Variants in PTPRK observed in about 807,000 individuals in gnomAD.
PTPRK encodes the protein receptor-type tyrosine-protein phosphatase kappa.
Under a neutral mutation model 178.0 loss-of-function variants are expected in PTPRK, and 75 were observed. That is an observed-to-expected ratio of 0.42 (90% CI 0.35 to 0.51). PTPRK has a LOEUF of 0.51. PTPRK is among the 20% of genes least tolerant of loss of function. PTPRK has a pLI of 0.02. For synonymous variants in PTPRK, 637 were observed against 620.6 expected (o/e 1.03, Z -0.39); for missense variants, 1,441 against 1,797.8 (o/e 0.80, Z 3.59).
At position 128,083,819 on chromosome 6, in the gene PTPRK, C is replaced by T; in HGVS notation, c.1471G>A (p.Gly491Ser). 1 of 1,563,002 alleles carries T rather than the reference C, an allele frequency of 6.4e-7. No homozygotes were observed. The highest frequency in any genetic ancestry group is 8.7e-7 in the Non-Finnish European group (1 of 1,151,744). The change falls in exon 9 of 30, where the codon GGT becomes AGT. Residue 491 changes from glycine (G) to serine (S), a missense_variant. Coordinates refer to ENST00000368226, the MANE Select transcript of PTPRK (RefSeq NM_002844.4). ...TIIQTDEDVPGPVPVKSLQGT... is the reference protein window; with the variant it reads ...TIIQTDEDVPSPVPVKSLQGT... ...TGAAGAGATTTTACTGGTACGGGAC[C>T]AGGCACTACAAAACACATGAATTTT...
At chr6:128,512,437 C>G (rs904911154) in intron 1 of PTPRK, among the ~76,000 whole-genome samples, 2 of 152,040 alleles carry the variant, frequency 1.3e-5, no homozygotes, top group African/African-American at 4.8e-5. Context: ...GCCATAACCA[C>G]GTCATTATGC....
intron 7 of PTPRK, among the ~76,000 whole-genome samples, chr6:128,157,953 T>G (rs939823288): frequency 2.0e-5 from 3 of 152,054 alleles, no homozygotes; most frequent in African/African-American, 7.2e-5. Flanking sequence ...AGATCCCATT[T>G]GTCAATTTTG....
chr6:128,137,851 T>C (rs116952534), intron 7 of PTPRK, among the ~76,000 whole-genome samples: 3,869 of 152,200 alleles, frequency 0.025, 76 homozygotes, highest in Middle Eastern at 0.095. Context: ...AGGAAGAGCT[T>C]ATATAGCTCT....
intron 2 of PTPRK, among the ~76,000 whole-genome samples, chr6:128,379,698 A>G (rs898638342): frequency 7.9e-4 from 121 of 152,326 alleles, no homozygotes; most frequent in African/African-American, 2.8e-3. Flanking sequence ...TTCCAAAAAC[A>G]GCAAATCCTT....
chr6:128,101,888 T>A (rs1788850347), intron 7 of PTPRK, among the ~76,000 whole-genome samples: 1 of 152,206 alleles, frequency 6.6e-6, no homozygotes, highest in Non-Finnish European at 1.5e-5. Flanking sequence ...AACACTTCAA[T>A]GTAGAGTTGG....
intron 2 of PTPRK, among the ~76,000 whole-genome samples, chr6:128,376,015 C>T (rs557106182): frequency 1.1e-4 from 17 of 152,298 alleles, no homozygotes; most frequent in African/African-American, 3.8e-4. Context: ...CTCCTGTCTG[C>T]TTTCATGGGT....
At chr6:128,320,771 C>T (rs1562278056) in intron 3 of PTPRK, among the ~76,000 whole-genome samples, 1 of 152,094 alleles carries the variant, frequency 6.6e-6, no homozygotes, top group Non-Finnish European at 1.5e-5. Flanking sequence ...GCAACAAGTG[C>T]TCTAGCATTA....
At chr6:128,487,570 G>A (rs754442630) in intron 1 of PTPRK, among the ~76,000 whole-genome samples, 2 of 151,862 alleles carry the variant, frequency 1.3e-5, no homozygotes, top group South Asian at 2.1e-4. Context: ...ATTCCAGGGC[G>A]GGTCCAGCAG....
intron 7 of PTPRK, among the ~76,000 whole-genome samples, chr6:128,126,748 C>A (rs1253632399): frequency 6.6e-6 from 1 of 152,196 alleles, no homozygotes; most frequent in Non-Finnish European, 1.5e-5. Flanking sequence ...CTTGGCCTCC[C>A]AAAGTGCTGA....
intron 7 of PTPRK, among the ~76,000 whole-genome samples, chr6:128,135,855 T>C (rs779694998): frequency 6.7e-6 from 1 of 150,008 alleles, no homozygotes; most frequent in South Asian, 2.1e-4. Flanking sequence ...ATAAAAATAA[T>C]AAAAAAAAAC....
At chr6:128,260,500 C>T (rs568238768) in intron 3 of PTPRK, among the ~76,000 whole-genome samples, 3 of 152,170 alleles carry the variant, frequency 2.0e-5, no homozygotes, top group South Asian at 4.2e-4. Context: ...AAGAGGTATT[C>T]GGGTAAGAAA....
intron 21 of PTPRK, among the ~76,000 whole-genome samples, chr6:127,990,393 CAAT>C (rs1411759696): frequency 6.6e-6 from 1 of 152,084 alleles, no homozygotes; most frequent in Admixed American, 6.6e-5. Context: ...ACTTTCTCAA[CAAT>C]GAGTTTTTCT....
intron 1 of PTPRK, among the ~76,000 whole-genome samples, chr6:128,448,542 C>G (rs1847326616): frequency 6.6e-6 from 1 of 152,174 alleles, no homozygotes. Context: ...CAGCACAAAG[C>G]ATGCCACATT....
intron 28 of PTPRK, 81 bp from the exon 29 acceptor site, chr6:127,973,238 A>G: frequency 6.4e-7 from 1 of 1,572,942 alleles, no homozygotes; most frequent in Admixed American, 1.8e-5. Flanking sequence ...GTTTGGGAAA[A>G]TAAGACATTG....
intron 1 of PTPRK, among the ~76,000 whole-genome samples, chr6:128,479,475 T>G (rs1851779863): frequency 6.6e-6 from 1 of 152,092 alleles, no homozygotes; most frequent in Admixed American, 6.6e-5. Context: ...AATTCACACA[T>G]AGTGTTTACA....
At chr6:128,476,999 G>T (rs975215243) in intron 1 of PTPRK, among the ~76,000 whole-genome samples, 4 of 151,912 alleles carry the variant, frequency 2.6e-5, no homozygotes, top group Non-Finnish European at 5.9e-5. Flanking sequence ...TTAATAAAGA[G>T]GCAATAAAAA....
At chr6:128,000,722 G>A (rs903328974) in intron 15 of PTPRK, among the ~76,000 whole-genome samples, 2 of 152,028 alleles carry the variant, frequency 1.3e-5, no homozygotes, top group African/African-American at 4.8e-5. Context: ...TTTGGGCACT[G>A]CCACAGAATA....
rs1422961506 is a variant in PTPRK at position 128,419,586 on chromosome 6, T to C, written c.101-21898A>G. Among the ~76,000 whole-genome samples the C allele has an allele frequency of 2.7e-5, 4 of 146,456 alleles. 1 individual carries two copies. The highest frequency in any genetic ancestry group is 1.0e-4 in the African/African-American group (4 of 39,388). On this transcript the variant is annotated intron_variant, in intron 1 of 29. Coordinates refer to ENST00000368226, the MANE Select transcript of PTPRK (RefSeq NM_002844.4). ...ATTGCGCCACTGCACCACTCCAGCC[T>C]GGGCGACAGAGCGAGACTCCGTCTC... is the stretch of plus-strand genomic sequence containing the variant.
At chr6:128,509,508 T>C (rs532948724) in intron 1 of PTPRK, among the ~76,000 whole-genome samples, 1 of 152,250 alleles carries the variant, frequency 6.6e-6, no homozygotes, top group South Asian at 2.1e-4. Context: ...TACACACTTT[T>C]TGTGCCTTCA....
Sources: allele counts gnomAD v4.1 joint callset (sites outside exome capture counted in the v4.1 genomes callset), GRCh38; gene constraint gnomAD v4.1.1; transcripts MANE v1.5; gene names NCBI Gene and HGNC (gene_info 2026-07-23, HGNC 2026-07-21).